Variants in PIGN observed in about 807,000 individuals in gnomAD.
PIGN encodes phosphatidylinositol glycan anchor biosynthesis class N.
Under a neutral mutation model 125.4 loss-of-function variants are expected in PIGN, and 117 were observed. The ratio of observed to expected loss-of-function variants is 0.93; its 90% confidence interval spans 0.80 to 1.09. The LOEUF is 1.09. PIGN is among the 50% of genes least tolerant of loss of function. PIGN has a pLI of 0.00. For synonymous variants in PIGN, 392 were observed against 377.8 expected (o/e 1.04, Z -0.44); for missense variants, 1,075 against 1,094.9 (o/e 0.98, Z 0.26).
intron 23 of PIGN, among the ~76,000 whole-genome samples, chr18:62,033,296 A>G (rs927638310): frequency 2.6e-5 from 4 of 152,234 alleles, no homozygotes; most frequent in African/African-American, 9.6e-5. Context: ...TTGTCTACAT[A>G]AAATCACTGG....
intron 1 of PIGN, among the ~76,000 whole-genome samples, chr18:62,181,542 C>T (rs760067777): frequency 6.6e-6 from 1 of 152,082 alleles, no homozygotes; most frequent in Non-Finnish European, 1.5e-5. Context: ...TCCCAAGTAG[C>T]GGGGACCACA....
At chr18:62,085,622 A>G (rs2033661904) in intron 25 of PIGN, among the ~76,000 whole-genome samples, 1 of 152,168 alleles carries the variant, frequency 6.6e-6, no homozygotes, top group African/African-American at 2.4e-5. Context: ...TTCAGCTGAG[A>G]GACACAGTTA....
In PIGN at chr18:62,075,936, AT is replaced by A. The variant is rs963734963; in HGVS notation, c.2577-1116del. On this transcript the variant is annotated intron_variant, in intron 28 of 30. Transcript: ENST00000640252. ...AGTGTGTAATGATATTTCATTGTTGATTTTTTTTTTCTTTTTTGAGATGGAG... is the reference window on the plus strand; with the variant it reads ...AGTGTGTAATGATATTTCATTGTTGATTTTTTTTTCTTTTTTGAGATGGAG... 38 of 150,050 alleles carry A rather than the reference AT, an allele frequency of 2.5e-4. 1 individual carries two copies. Among genetic ancestry groups the A allele is most frequent in the Admixed American group, 1.7e-3 (26 of 15,032 alleles). 9.3% of individuals were successfully genotyped at this position (150,050 alleles called of 1,614,324 possible). A position where few individuals can be genotyped will look rare whatever the true frequency, so the allele number is the denominator to read the frequency against.
At chr18:62,074,174 G>A (rs2033045367) in intron 29 of PIGN, among the ~76,000 whole-genome samples, 1 of 152,198 alleles carries the variant, frequency 6.6e-6, no homozygotes, top group African/African-American at 2.4e-5. Flanking sequence ...CTATGCACTG[G>A]AATAAACTGT....
rs2030376218 is a variant in PIGN, at chr18:62,041,640, G to GTGTGTGTGTGT, written c.*4215_*4216insACACACACACA. 2.6e-5 allele frequency: 2 copies of GTGTGTGTGTGT among 77,470 alleles called. No individual in the cohort carries two copies. Among genetic ancestry groups the GTGTGTGTGTGT allele is most frequent in the Admixed American group, 1.5e-4 (1 of 6,744 alleles). 4.8% of individuals were successfully genotyped at this position (77,470 alleles called of 1,614,324 possible). On this transcript the variant is annotated 3_prime_UTR_variant, in exon 31 of 31. Transcript: ENST00000640252. ...ATTACAGGAGCCTACCACCCCGCCG[G>GTGTGTGTGTGT]GTGTGTGTGTGTGTGTGTGTGTGTG...
intron 24 of PIGN, among the ~76,000 whole-genome samples, chr18:62,090,034 G>C (rs1390765011): frequency 1.3e-5 from 2 of 152,068 alleles, no homozygotes; most frequent in African/African-American, 2.4e-5. Flanking sequence ...ATTTGGATTA[G>C]GATGACCAGA....
intron 11 of PIGN, 113 bp from the exon 12 acceptor site, chr18:62,140,592 A>AC: frequency 1.8e-6 from 1 of 542,054 alleles, no homozygotes; most frequent in African/African-American, 1.9e-5. Flanking sequence ...ATAATCAGTT[A>AC]CCTTCAAACA....
At chr18:62,109,405 A>C (rs537954249) in intron 17 of PIGN, among the ~76,000 whole-genome samples, 151 of 152,340 alleles carry the variant, frequency 9.9e-4, no homozygotes, top group African/African-American at 3.5e-3. Flanking sequence ...AGATCTACAC[A>C]ATCGCTAGGA....
intron 22 of PIGN, 108 bp downstream of exon 22, chr18:62,100,967 T>G: frequency 2.9e-6 from 2 of 686,334 alleles, no homozygotes; most frequent in Admixed American, 5.1e-5. Context: ...ATTATTTTCC[T>G]GCAATAAAAT....
rs588434 is a variant in PIGN at position 62,022,257 on chromosome 18, C to G, written c.2143-4516G>C. 6.9e-3 allele frequency among the ~76,000 whole-genome samples: 1,046 copies of G among 152,308 alleles called. 10 individuals are homozygous for G. The highest frequency in any genetic ancestry group is 0.024 in the African/African-American group (1,000 of 41,558). Reference sequence around the variant, plus strand: ...ATTGGGGGCCATCTTATGATTCTGCCTGTCAAGGAGAGGTAACTTGGAAGT... The same window carrying G: ...ATTGGGGGCCATCTTATGATTCTGCGTGTCAAGGAGAGGTAACTTGGAAGT... On this transcript the variant is annotated intron_variant, in intron 23 of 24. Transcript: ENST00000639600.
At chr18:62,137,230 C>T in intron 14 of PIGN, 2 of 402,730 alleles carry the variant, frequency 5.0e-6, no homozygotes, top group East Asian at 3.6e-5. Flanking sequence ...AATTCTTCAG[C>T]TTTTAGACTC....
chr18:62,186,041 ATTTTTTTTTT>A (rs755658401), intron 1 of PIGN, among the ~76,000 whole-genome samples: 1 of 102,234 alleles, frequency 9.8e-6, no homozygotes. Context: ...AGCGGAATTG[ATTTTTTTTTT>A]TTTTTTTTTT....
intron 9 of PIGN, among the ~76,000 whole-genome samples, chr18:62,146,451 C>A (rs1487897870): frequency 6.6e-6 from 1 of 152,142 alleles, no homozygotes; most frequent in Non-Finnish European, 1.5e-5. Context: ...CCTTTTCTTC[C>A]AGGCCACTCT....
chr18:62,041,792 G>A lies in PIGN; in HGVS notation c.*4064C>T, dbSNP rs1285386393. On this transcript the variant is annotated 3_prime_UTR_variant, in exon 31 of 31. Coordinates refer to ENST00000640252, the MANE Select transcript of PIGN (RefSeq NM_176787.5). ...GATCCACCCACCTCGGCCTCCCAAAGTGCTGGAATTACAGGGGTGAGCCAC... is the reference window on the plus strand; with the variant it reads ...GATCCACCCACCTCGGCCTCCCAAAATGCTGGAATTACAGGGGTGAGCCAC... 6.6e-6 allele frequency: 1 copy of A among 151,136 alleles called. No individual in the cohort carries two copies. The highest frequency in any genetic ancestry group is 1.5e-5 in the Non-Finnish European group (1 of 67,886). The allele number at this position is 151,136 out of a possible 1,614,324, so 9.4% of individuals were successfully genotyped here.
chr18:62,162,841 A>G lies in PIGN; in HGVS notation c.-109-512T>C, dbSNP rs116335525. On this transcript the variant is annotated intron_variant, in intron 2 of 30. Transcript: ENST00000640252. ...TGTCCTTAATTTTTTTAAAAAGTAA[A>G]TTTTATGTTTTTTTACTAAACAACC... Among the ~76,000 whole-genome samples the G allele has an allele frequency of 9.7e-4, 147 of 152,272 alleles. 1 individual carries two copies. The highest frequency in any genetic ancestry group is 3.4e-3 in the African/African-American group (143 of 41,570).
At chr18:62,086,168 A>C (rs2033689874) in intron 25 of PIGN, among the ~76,000 whole-genome samples, 1 of 152,250 alleles carries the variant, frequency 6.6e-6, no homozygotes, top group African/African-American at 2.4e-5. Flanking sequence ...ATATGATGAC[A>C]GAAATAGAGG....
chr18:62,089,473 T>G (rs1218800718), intron 24 of PIGN, among the ~76,000 whole-genome samples: 4 of 152,146 alleles, frequency 2.6e-5, no homozygotes, highest in Non-Finnish European at 5.9e-5. Flanking sequence ...CTTGGGATGT[T>G]TTAATACTCT....
chr18:62,180,453 C>A (rs1231321923), intron 1 of PIGN, among the ~76,000 whole-genome samples: 1 of 152,188 alleles, frequency 6.6e-6, no homozygotes, highest in Non-Finnish European at 1.5e-5. Context: ...TACTAATTTA[C>A]ATACTCTCCA....
In PIGN at chr18:62,113,153, C is replaced by A. The variant is rs113621756; in HGVS notation, c.1415G>T (p.Gly472Val). The A allele has an allele frequency of 1.2e-6, 2 of 1,609,508 alleles. No homozygotes were observed. The highest frequency in any genetic ancestry group is 1.7e-6 in the Non-Finnish European group (2 of 1,177,438). Reference sequence around the variant, plus strand: ...ACGTACCTTCACTTCTTTACTAACACCTTTTATAAGGTTGGAATGAGACTT... The same window carrying A: ...ACGTACCTTCACTTCTTTACTAACAACTTTTATAAGGTTGGAATGAGACTT... ...IIKSHSNLIKGVSKEVKKPSH... is the reference protein window; with the variant it reads ...IIKSHSNLIKVVSKEVKKPSH... The change falls in exon 16 of 31, where the codon GGT (glycine) becomes GTT (valine). Residue 472 changes from glycine (G) to valine (V), a missense_variant. By Grantham distance (109) the Gly-to-Val change is moderately radical (BLOSUM62 -3). Transcript: ENST00000640252.
Sources: allele counts gnomAD v4.1 joint callset (sites outside exome capture counted in the v4.1 genomes callset), GRCh38; gene constraint gnomAD v4.1.1; transcripts MANE v1.5; gene names NCBI Gene and HGNC (gene_info 2026-07-23, HGNC 2026-07-21).